Variants in TVP23A observed in about 807,000 individuals in gnomAD.
TVP23A encodes Golgi apparatus membrane protein TVP23 homolog A.
TVP23A carries 21 observed loss-of-function variants against 31.7 expected under a neutral mutation model. The ratio of observed to expected loss-of-function variants is 0.66; its 90% CI spans 0.47 to 0.95. The LOEUF (loss-of-function observed/expected upper bound fraction) is 0.95, where lower values mean the gene tolerates loss of function less well. TVP23A is among the 40% of genes least tolerant of loss of function. The probability of loss-of-function intolerance (pLI) is 0.00; values close to 1 mark genes in which losing one functional copy is unlikely to be tolerated. For synonymous variants in TVP23A, 104 were observed against 96.0 expected, an observed-to-expected ratio of 1.08 and a Z score of -0.49; for missense variants, 279 against 255.6, an observed-to-expected ratio of 1.09 and a Z score of -0.62.
At chr16:10,763,995 CAA>C (rs558267171), downstream of TVP23A, among the ~76,000 whole-genome samples, 508 of 152,006 alleles carry the variant, frequency 3.3e-3, 1 homozygote, top group Non-Finnish European at 5.8e-3. Flanking sequence ...CATCCCAACT[CAA>C]AGGAGCATCT....
In TVP23A at chr16:10,810,784, G is replaced by C. The variant is rs540154613; in HGVS notation, c.89+7319C>G. ...CTTACACGTCGGCCCCTCTGTTCTG[G>C]GGCTTTCAGATTCAGAATGAGACAC... On this transcript the variant is annotated intron_variant, in intron 2 of 7. Transcript: ENST00000299866. Among the ~76,000 whole-genome samples the C allele has an allele frequency of 1.0e-3, 155 of 152,202 alleles. No individual in the cohort carries two copies. In the Middle Eastern group the frequency reaches 0.01, roughly 10 times the overall value.
rs762683762 is a variant in TVP23A at position 10,767,076 on chromosome 16, C to A, written c.*2026G>T. 12 of 398,680 alleles carry A rather than the reference C, an allele frequency of 3.0e-5. No homozygotes were observed. Among genetic ancestry groups the A allele is most frequent in the Non-Finnish European group, 5.3e-5 (12 of 226,194 alleles). The allele number at this position is 398,680 out of a possible 1,614,324, so 24.7% of individuals were successfully genotyped here. On this transcript the variant is annotated 3_prime_UTR_variant, in exon 8 of 8. Transcript: ENST00000299866. The surrounding 1 kb of genome is among the most constrained non-coding windows in gnomAD (Gnocchi z 4.6). ...GGAAATGATGAGTGCTAGGTAGGAA[C>A]CCCTCCTGGGGTTCACCTGAGGCTG...
chr16:10,798,453 G>C (rs1467233995), intron 2 of TVP23A, among the ~76,000 whole-genome samples: 1 of 152,148 alleles, frequency 6.6e-6, no homozygotes, highest in Non-Finnish European at 1.5e-5. Flanking sequence ...CCATGCGTTT[G>C]TTCCTTCTTT....
At chr16:10,758,536 C>T (rs939596809), downstream of TVP23A, among the ~76,000 whole-genome samples, 14 of 152,096 alleles carry the variant, frequency 9.2e-5, no homozygotes, top group South Asian at 2.1e-4. Context: ...AACCATTCAA[C>T]GATTTGGTTT....
intron 2 of TVP23A, among the ~76,000 whole-genome samples, chr16:10,815,044 C>T (rs1318814427): frequency 6.6e-6 from 1 of 152,116 alleles, no homozygotes; most frequent in Non-Finnish European, 1.5e-5. Flanking sequence ...TAGCTGGTAC[C>T]TCCTTCTCTG....
At chr16:10,801,684 G>A (rs373759397) in intron 2 of TVP23A, among the ~76,000 whole-genome samples, 50 of 152,204 alleles carry the variant, frequency 3.3e-4, no homozygotes, top group Middle Eastern at 3.4e-3. Flanking sequence ...TCAAACTCCT[G>A]AGCTCAGGCG....
chr16:10,811,254 G>T (rs564051765), intron 2 of TVP23A, among the ~76,000 whole-genome samples: 1 of 152,152 alleles, frequency 6.6e-6, no homozygotes, highest in Admixed American at 6.5e-5. Context: ...GGTGGAATGT[G>T]AATTATATTT....
chr16:10,795,572 C>G (rs535455289), intron 2 of TVP23A, among the ~76,000 whole-genome samples: 154 of 152,154 alleles, frequency 1.0e-3, no homozygotes, highest in African/African-American at 3.6e-3. Context: ...TAAGAAAAAC[C>G]CTCATTGCTC....
rs191613449 is a variant in TVP23A at position 10,785,057 on chromosome 16, A to T, written c.90-9961T>A. ...GGTTGCAGTGTGCTGAGATCACAAC[A>T]CTACACTCCAGCCTGGGTGACAAAG... On this transcript the variant is annotated intron_variant, in intron 2 of 7. Transcript: ENST00000299866. Among the ~76,000 whole-genome samples, 680 of 151,006 alleles carry T rather than the reference A, an allele frequency of 4.5e-3. 1 individual carries two copies. The highest frequency in any genetic ancestry group is 0.016 in the African/African-American group (641 of 41,036).
chr16:10,762,411 G>C (rs2030068714), downstream of TVP23A, among the ~76,000 whole-genome samples: 1 of 152,218 alleles, frequency 6.6e-6, no homozygotes, highest in Non-Finnish European at 1.5e-5. Context: ...CACTCCCTGA[G>C]TGGCCCTGAG....
At chr16:10,761,611 G>T in intron 8 of TVP23A, 1 of 977,666 alleles carries the variant, frequency 1.0e-6, no homozygotes. Flanking sequence ...ATCCCTTTCT[G>T]CTGACTAAAG....
chr16:10,761,647 C>A, intron 8 of TVP23A: 1 of 1,015,400 alleles, frequency 9.8e-7, no homozygotes. Flanking sequence ...GTTAAGGGTT[C>A]CACATTCAAA....
intron 2 of TVP23A, among the ~76,000 whole-genome samples, chr16:10,817,203 T>G (rs2034482927): frequency 6.6e-6 from 1 of 152,232 alleles, no homozygotes; most frequent in Non-Finnish European, 1.5e-5. Context: ...ACTTCTTTTG[T>G]CTTAAGCCAA....
intron 5 of TVP23A, 74 bp downstream of exon 5, chr16:10,773,239 A>T: frequency 1.3e-6 from 2 of 1,503,094 alleles, no homozygotes; most frequent in Non-Finnish European, 1.8e-6. Context: ...ACAAATAACA[A>T]CAAAAGCCTA....
chr16:10,758,019 A>G (rs1428533069), downstream of TVP23A: 1 of 1,612,580 alleles, frequency 6.2e-7, no homozygotes, highest in Non-Finnish European at 8.5e-7. Context: ...GATCATCACC[A>G]CTCCCCAGGT....
chr16:10,775,183 G>C, intron 2 of TVP23A, 87 bp from the exon 3 acceptor site: 1 of 1,508,444 alleles, frequency 6.6e-7, no homozygotes, highest in South Asian at 1.3e-5. Context: ...CTTTGCTGGG[G>C]GTGTTAGCGT....
At chr16:10,761,918 T>C, downstream of TVP23A, 1 of 1,381,878 alleles carries the variant, frequency 7.2e-7, no homozygotes, top group Non-Finnish European at 1.0e-6. Context: ...CAGGCACGGG[T>C]CGGGCACAAC....
At chr16:10,806,109 G>A (rs1395999792) in intron 2 of TVP23A, among the ~76,000 whole-genome samples, 1 of 152,212 alleles carries the variant, frequency 6.6e-6, no homozygotes, top group Non-Finnish European at 1.5e-5. Flanking sequence ...TTGGGAGGCT[G>A]AGGCGGATGG....
At chr16:10,761,468 GTGCAA>G in exon 9 of TVP23A, 1 of 1,613,878 alleles carries the variant, frequency 6.2e-7, no homozygotes, top group Non-Finnish European at 8.5e-7. Context: ...TCTGTCCTAA[GTGCAA>G]GGTGAGGGCG....
Sources: gnomAD v4.1 joint callset for allele counts (sites outside exome capture counted in the v4.1 genomes callset) on GRCh38, gnomAD v4.1.1 for gene constraint, Gnocchi (gnomAD v3.1) non-coding constraint, MANE v1.5 for transcripts, NCBI Gene and HGNC (gene_info 2026-07-23, HGNC 2026-07-21) for gene names.